SYNE1: variants seen among roughly 807,000 people sequenced by gnomAD.
SYNE1 encodes spectrin repeat containing nuclear envelope protein 1, also known as nesprin-1.
SYNE1 carries 616 observed loss-of-function variants against 1,111.0 expected under a neutral mutation model. The ratio of observed to expected loss-of-function variants is 0.55; its 90% CI spans 0.52 to 0.59. The LOEUF is 0.59. SYNE1 is among the 20% of genes least tolerant of loss of function. The pLI is 0.00. For synonymous variants in SYNE1, 3,855 were observed against 3,825.8 expected (o/e 1.01, Z -0.28); for missense variants, 10,006 against 10,417.0 (o/e 0.96, Z 1.72).
intron 3 of SYNE1, among the ~76,000 whole-genome samples, chr6:152,541,297 T>G (rs1307442850): frequency 6.6e-6 from 1 of 152,220 alleles, no homozygotes; most frequent in African/African-American, 2.4e-5. Context: ...ATCTATGATT[T>G]CTTTCAGCAG....
rs150700669 is a variant in SYNE1, at chr6:152,255,596, G to T, written c.19255C>A (p.Gln6419Lys). Residue 6419 changes from glutamine to lysine, a missense_variant, in exon 103 of 146, where the codon CAA (glutamine) becomes AAA (lysine). Transcript: ENST00000367255. The part of the protein sequence containing the change: ...PEETETCLFN[Q>K]EILAKDIKEM... ...GCAGGAACTACTAAACCTACCTCTT[G>T]GTTGAAGAGACAAGTCTCTGTTTCT... is the stretch of plus-strand genomic sequence containing the variant. 4 of 1,614,126 alleles carry T rather than the reference G, an allele frequency of 2.5e-6. No homozygotes were observed. The highest frequency in any genetic ancestry group is 3.4e-6 in the Non-Finnish European group (4 of 1,180,022).
intron 12 of SYNE1, 145 bp downstream of exon 12, chr6:152,488,251 T>C: frequency 1.7e-6 from 1 of 594,976 alleles, no homozygotes; most frequent in Non-Finnish European, 3.0e-6. Context: ...TTAAATTATA[T>C]GCAAACTTAG....
intron 123 of SYNE1, 143 bp from the exon 124 acceptor site, chr6:152,211,731 G>C (rs1321124716): frequency 3.0e-6 from 2 of 673,548 alleles, no homozygotes; most frequent in Admixed American, 2.6e-5. Context: ...AAATCCTGCA[G>C]TTTAGGAATC....
intron 55 of SYNE1, among the ~76,000 whole-genome samples, chr6:152,384,469 A>G (rs1001320020): frequency 2.0e-5 from 3 of 152,380 alleles, no homozygotes; most frequent in Non-Finnish European, 4.4e-5. Context: ...GAAGAATTTT[A>G]AAGAATAACA....
chr6:152,237,921 T>G, intron 108 of SYNE1, among the ~76,000 whole-genome samples: 1 of 152,176 alleles, frequency 6.6e-6, no homozygotes, highest in East Asian at 1.9e-4. Context: ...ACTGTGCAGT[T>G]GGAGTGGCAA....
intron 63 of SYNE1, among the ~76,000 whole-genome samples, chr6:152,364,443 C>T (rs1246850781): frequency 4.0e-5 from 5 of 123,516 alleles, no homozygotes; most frequent in Admixed American, 8.9e-5. Context: ...TATATTTTTA[C>T]ATTATGAATC....
chr6:152,277,242 A>AAT (rs2093692420), intron 98 of SYNE1, among the ~76,000 whole-genome samples: 1 of 143,728 alleles, frequency 7.0e-6, no homozygotes, highest in Non-Finnish European at 1.5e-5. Flanking sequence ...TTGTTCTTGC[A>AAT]ATCACACTCC....
At chr6:152,347,991 G>A (rs567692470) in intron 72 of SYNE1, among the ~76,000 whole-genome samples, 6 of 151,834 alleles carry the variant, frequency 4.0e-5, no homozygotes, top group Non-Finnish European at 8.8e-5. Context: ...CGCCCGGCCT[G>A]TTATTACTTT....
At chr6:152,560,377 TAAA>T (rs2099391297) in intron 3 of SYNE1, among the ~76,000 whole-genome samples, 1 of 150,432 alleles carries the variant, frequency 6.6e-6, no homozygotes, top group Admixed American at 6.6e-5. Context: ...AAAAGAAAAA[TAAA>T]AGAAGAAGAA....
chr6:152,274,744 C>A (rs183010367), intron 98 of SYNE1, among the ~76,000 whole-genome samples: 1 of 151,970 alleles, frequency 6.6e-6, no homozygotes, highest in African/African-American at 2.4e-5. Flanking sequence ...TTACAGGTTC[C>A]CACCACCACA....
intron 58 of SYNE1, 94 bp downstream of exon 58, chr6:152,376,287 C>T: frequency 7.2e-7 from 1 of 1,384,090 alleles, no homozygotes; most frequent in South Asian, 1.2e-5. Flanking sequence ...GGACCTGTAC[C>T]AGTCCGCGGC....
intron 3 of SYNE1, among the ~76,000 whole-genome samples, chr6:152,544,255 C>G (rs981407157): frequency 4.6e-5 from 7 of 152,070 alleles, no homozygotes; most frequent in African/African-American, 1.7e-4. Flanking sequence ...GATTTAAGAC[C>G]AGTTTTTGGT....
chr6:152,304,965 G>A (rs1297354194), intron 91 of SYNE1, among the ~76,000 whole-genome samples: 2 of 152,094 alleles, frequency 1.3e-5, no homozygotes, highest in Admixed American at 6.5e-5. Context: ...TAAACCTCTT[G>A]TAATCTCATT....
intron 127 of SYNE1, among the ~76,000 whole-genome samples, chr6:152,192,692 T>G (rs1055222650): frequency 6.6e-6 from 1 of 152,008 alleles, no homozygotes; most frequent in African/African-American, 2.4e-5. Context: ...CAGGCTGTTC[T>G]CAAACATATA....
intron 3 of SYNE1, among the ~76,000 whole-genome samples, chr6:152,588,426 T>C (rs2099547281): frequency 6.6e-6 from 1 of 152,264 alleles, no homozygotes; most frequent in Non-Finnish European, 1.5e-5. Flanking sequence ...AGAACTATTC[T>C]ATTAAAAGTT....
intron 95 of SYNE1, among the ~76,000 whole-genome samples, chr6:152,290,359 C>G (rs1263543208): frequency 6.6e-6 from 1 of 152,152 alleles, no homozygotes. Flanking sequence ...GAGTTCGAGA[C>G]CAGCCTGGCC....
intron 3 of SYNE1, among the ~76,000 whole-genome samples, chr6:152,604,768 C>T (rs1035019202): frequency 1.3e-5 from 2 of 151,062 alleles, no homozygotes; most frequent in South Asian, 2.1e-4. Context: ...AGTGAGGCCC[C>T]CTTCCCACTG....
chr6:152,364,830 G>A lies in SYNE1; in HGVS notation c.10145+17C>T, dbSNP rs1446169570. ...TTAGTAATAGCTTCCCCAGTGCTTGGCTGTAGTTTCCCTCACCTTTTACAA... is the reference window on the plus strand; with the variant it reads ...TTAGTAATAGCTTCCCCAGTGCTTGACTGTAGTTTCCCTCACCTTTTACAA... On this transcript the variant is annotated intron_variant, in intron 63 of 145. Transcript: ENST00000367255. 1 of 1,614,092 alleles carries A rather than the reference G, an allele frequency of 6.2e-7. No individual in the cohort carries two copies. Among genetic ancestry groups the A allele is most frequent in the Non-Finnish European group, 8.5e-7 (1 of 1,180,006 alleles).
At chr6:152,388,343 G>A (rs1389194505) in intron 53 of SYNE1, among the ~76,000 whole-genome samples, 1 of 151,666 alleles carries the variant, frequency 6.6e-6, no homozygotes, top group Admixed American at 6.6e-5. Flanking sequence ...TGTGTCCTCT[G>A]ATCAGGTGAT....
Sources: gnomAD v4.1 joint callset for allele counts (sites outside exome capture counted in the v4.1 genomes callset) on GRCh38, gnomAD v4.1.1 for gene constraint, MANE v1.5 for transcripts, NCBI Gene and HGNC (gene_info 2026-07-23, HGNC 2026-07-21) for gene names.